Variants in ACAP2 observed in about 807,000 individuals in gnomAD.
The protein encoded by ACAP2 is ArfGAP with coiled-coil, ankyrin repeat and PH domains 2, also known as arf-GAP with coiled-coil, ANK repeat and PH domain-containing protein 2.
Under a neutral mutation model 115.8 loss-of-function variants are expected in ACAP2, and 39 were observed. That is an observed-to-expected ratio of 0.34 (90% confidence interval 0.26 to 0.44). The LOEUF (loss-of-function observed/expected upper bound fraction) is 0.44. Among genes scored for constraint, ACAP2 ranks in the 20% least tolerant of loss-of-function variants. ACAP2 has a pLI of 1.00. For synonymous variants in ACAP2, 289 were observed against 315.8 expected, an observed-to-expected ratio of 0.92 and a Z score of 0.90; for missense variants, 662 against 927.6, an observed-to-expected ratio of 0.71 and a Z score of 3.72.
intron 1 of ACAP2, among the ~76,000 whole-genome samples, chr3:195,435,998 T>C (rs1026324944): frequency 4.6e-5 from 7 of 152,130 alleles, no homozygotes; most frequent in African/African-American, 1.7e-4. Flanking sequence ...AATGCTGTTT[T>C]TGTTTCGTGT....
At chr3:195,328,247 G>A (rs1231047262) in intron 8 of ACAP2, among the ~76,000 whole-genome samples, 2 of 152,040 alleles carry the variant, frequency 1.3e-5, no homozygotes, top group Non-Finnish European at 1.5e-5. Context: ...CAGGAATATG[G>A]AGAAAGATAA....
At chr3:195,344,315 G>C (rs181593070) in intron 5 of ACAP2, among the ~76,000 whole-genome samples, 1 of 152,132 alleles carries the variant, frequency 6.6e-6, no homozygotes, top group African/African-American at 2.4e-5. Flanking sequence ...CTATCTTAAT[G>C]AGATCTAACA....
chr3:195,430,462 C>T (rs1448908197), intron 1 of ACAP2, among the ~76,000 whole-genome samples: 1 of 152,010 alleles, frequency 6.6e-6, no homozygotes, highest in Admixed American at 6.6e-5. Context: ...ACCTGTAATC[C>T]CAGCACTTTG....
intron 6 of ACAP2, among the ~76,000 whole-genome samples, chr3:195,342,183 TAAC>T (rs897517381): frequency 7.2e-5 from 11 of 152,124 alleles, no homozygotes; most frequent in Admixed American, 3.9e-4. Flanking sequence ...TAAATTGACA[TAAC>T]AACTCCAGAG....
At chr3:195,377,136 A>ATTTTTTTTT (rs1478091442) in intron 4 of ACAP2, among the ~76,000 whole-genome samples, 6 of 89,714 alleles carry the variant, frequency 6.7e-5, no homozygotes, top group East Asian at 2.5e-3. Flanking sequence ...AGGAATGTAA[A>ATTTTTTTTT]TCTTTTTTTT....
rs540394605 is a variant in ACAP2 at position 195,374,088 on chromosome 3, G to C, written c.285+6921C>G. ...AACTTCGGTGTAAACCTGCAGAAAGGCTTCATTATTTTATTCAAAATCCAT... is the reference window on the plus strand; with the variant it reads ...AACTTCGGTGTAAACCTGCAGAAAGCCTTCATTATTTTATTCAAAATCCAT... On this transcript the variant is annotated intron_variant, in intron 4 of 22. Transcript: ENST00000326793. 5.9e-5 allele frequency among the ~76,000 whole-genome samples: 9 copies of C among 152,146 alleles called. No individual in the cohort carries two copies. In the South Asian group the frequency reaches 1.2e-3, roughly 21 times the overall value.
intron 6 of ACAP2, 43 bp downstream of exon 6, chr3:195,342,428 A>G: frequency 6.5e-7 from 1 of 1,532,580 alleles, no homozygotes; most frequent in Non-Finnish European, 8.8e-7. Context: ...AACCTGTTTA[A>G]GTAAGCACTG....
intron 22 of ACAP2, among the ~76,000 whole-genome samples, chr3:195,281,475 G>T (rs1485527757): frequency 6.6e-6 from 1 of 152,098 alleles, no homozygotes; most frequent in Middle Eastern, 3.2e-3. Context: ...TAGGTAAAAA[G>T]CAACTATTAA....
chr3:195,358,595 G>T (rs981346539), intron 4 of ACAP2, among the ~76,000 whole-genome samples: 3 of 151,910 alleles, frequency 2.0e-5, no homozygotes, highest in African/African-American at 7.3e-5. Context: ...TTTAAAGAAC[G>T]TATCAGAGTC....
At chr3:195,308,017 C>A (rs909150442) in intron 11 of ACAP2, among the ~76,000 whole-genome samples, 2 of 152,048 alleles carry the variant, frequency 1.3e-5, no homozygotes, top group Non-Finnish European at 2.9e-5. Flanking sequence ...ATGATTTATT[C>A]TTTTGTTTCT....
At chr3:195,304,857 A>C (rs951419469) in intron 13 of ACAP2, among the ~76,000 whole-genome samples, 6 of 152,216 alleles carry the variant, frequency 3.9e-5, no homozygotes, top group Non-Finnish European at 8.8e-5. Flanking sequence ...CAGAGTTTCC[A>C]AAGAAGTTTT....
At chr3:195,312,116 T>A (rs1728811698) in intron 10 of ACAP2, among the ~76,000 whole-genome samples, 1 of 151,992 alleles carries the variant, frequency 6.6e-6, no homozygotes, top group Non-Finnish European at 1.5e-5. Context: ...TGATCACTAG[T>A]CCCAGACTGC....
At chr3:195,331,096 T>TAC (rs1317877350) in intron 8 of ACAP2, among the ~76,000 whole-genome samples, 6 of 152,180 alleles carry the variant, frequency 3.9e-5, no homozygotes, top group African/African-American at 1.2e-4. Context: ...TCCCAACTGT[T>TAC]ACACACACAC....
intron 13 of ACAP2, among the ~76,000 whole-genome samples, chr3:195,305,194 G>T (rs768226582): frequency 7.2e-5 from 11 of 152,124 alleles, no homozygotes; most frequent in Non-Finnish European, 1.3e-4. Flanking sequence ...TTCAATAGAA[G>T]ACTTGGAAGA....
In ACAP2 at chr3:195,307,286, C is replaced by A; in HGVS notation, c.947G>T (p.Cys316Phe). Residue 316 changes from cysteine to phenylalanine, a missense_variant, in exon 12 of 23, where the codon TGC becomes TTC. This residue lies in a region of ACAP2 where 401 missense variants were observed against 604.4 expected (regional missense o/e 0.66). Transcript: ENST00000326793. Reference sequence around the variant, plus strand: ...TATGTCTTCACAATGTTTCACTGTGCAAAGCCTGAGGTCTTCAACTACCAC... The same window carrying A: ...TATGTCTTCACAATGTTTCACTGTGAAAAGCCTGAGGTCTTCAACTACCAC... ...PTVVVEDLRL[C>F]TVKHCEDIER... The A allele has an allele frequency of 6.2e-7, 1 of 1,613,226 alleles. No homozygotes were observed. Among genetic ancestry groups the A allele is most frequent in the Non-Finnish European group, 8.5e-7 (1 of 1,179,468 alleles).
intron 8 of ACAP2, among the ~76,000 whole-genome samples, chr3:195,332,028 G>A (rs1730204892): frequency 6.6e-6 from 1 of 151,656 alleles, no homozygotes. Flanking sequence ...CAGCTACTCA[G>A]GAGGCTGAGG....
chr3:195,402,225 T>C (rs1712367183), intron 1 of ACAP2, among the ~76,000 whole-genome samples: 1 of 152,172 alleles, frequency 6.6e-6, no homozygotes, highest in Non-Finnish European at 1.5e-5. Context: ...ATGGAGCATT[T>C]AAAACAACTC....
chr3:195,403,666 T>C (rs1712502693), intron 1 of ACAP2, among the ~76,000 whole-genome samples: 1 of 152,238 alleles, frequency 6.6e-6, no homozygotes, highest in Non-Finnish European at 1.5e-5. Flanking sequence ...TCAAGTATAA[T>C]TTCAAAGTTT....
At chr3:195,359,919 A>T (rs777575373) in intron 4 of ACAP2, among the ~76,000 whole-genome samples, 7 of 152,246 alleles carry the variant, frequency 4.6e-5, no homozygotes, top group Admixed American at 6.5e-5. Flanking sequence ...GCAAGAAAAG[A>T]AAACATAACA....
Sources: gnomAD v4.1 joint callset for allele counts (sites outside exome capture counted in the v4.1 genomes callset) on GRCh38, gnomAD v4.1.1 for gene constraint, gnomAD v4.1.1 regional missense constraint, MANE v1.5 for transcripts, NCBI Gene and HGNC (gene_info 2026-07-23, HGNC 2026-07-21) for gene names.